The following TSC22D4 variants were observed in gnomAD, a reference collection of about 807,000 sequenced individuals.
TSC22D4 encodes the protein TSC22 domain family member 4, also known as TSC22 domain family protein 4.
In TSC22D4, 5 loss-of-function variants were observed where a neutral mutation model predicts 24.9. The observed-to-expected ratio is 0.20, with a 90% CI of 0.10 to 0.42. TSC22D4 has a LOEUF of 0.42. Ranked by LOEUF, TSC22D4 falls within the 10% of genes least tolerant of loss-of-function variation. The pLI is 1.00. For missense variants in TSC22D4, 469 were observed against 547.9 expected, an observed-to-expected ratio of 0.86 and a Z score of 1.44; for synonymous variants, 245 against 243.2, an observed-to-expected ratio of 1.01 and a Z score of -0.07.
At chr7:100,470,173 A>G (rs975545820) in intron 3 of TSC22D4, among the ~76,000 whole-genome samples, 1 of 152,210 alleles carries the variant, frequency 6.6e-6, no homozygotes, top group Non-Finnish European at 1.5e-5. Context: ...ACACAGGGAT[A>G]GGAACATGGG....
chr7:100,472,516 C>T (rs774932270), intron 3 of TSC22D4, among the ~76,000 whole-genome samples: 2 of 129,704 alleles, frequency 1.5e-5, no homozygotes, highest in African/African-American at 5.9e-5. Flanking sequence ...GCTGTGAACT[C>T]AACAGGGGTG....
At chr7:100,476,435 GT>G (rs1458656418) in intron 2 of TSC22D4, among the ~76,000 whole-genome samples, 1 of 152,114 alleles carries the variant, frequency 6.6e-6, no homozygotes, top group African/African-American at 2.4e-5. Flanking sequence ...GACCTCCGAG[GT>G]GTTATATTCT....
At chr7:100,475,767 C>CG (rs1045536873) in intron 2 of TSC22D4, among the ~76,000 whole-genome samples, 1 of 139,316 alleles carries the variant, frequency 7.2e-6, no homozygotes, top group African/African-American at 2.7e-5. Flanking sequence ...GCAAAAAGGG[C>CG]GGGGGCGACA....
intron 3 of TSC22D4, 154 bp from the exon 4 acceptor site, chr7:100,467,754 C>T (rs1419109371): frequency 6.0e-6 from 5 of 834,510 alleles, no homozygotes; most frequent in Non-Finnish European, 2.0e-6. Context: ...GGGTTGAAGG[C>T]CGCTGCCCAG....
In TSC22D4 at chr7:100,477,381, C is replaced by A. The variant is rs1465798290; in HGVS notation, c.658G>T (p.Ala220Ser). The A allele has an allele frequency of 2.5e-6, 4 of 1,594,522 alleles. No individual in the cohort carries two copies. The South Asian group carries it at 4.5e-5, about 18-fold the overall frequency. The change falls in exon 2 of 5, where the codon GCG (alanine) becomes TCG (serine). Residue 220 changes from alanine to serine, a missense_variant. Ala to Ser is a moderately conservative substitution (Grantham distance 99, BLOSUM62 1). Transcript: ENST00000300181. This position sits in a 1 kb window ranked among gnomAD's most constrained non-coding sequence, Gnocchi z 7.8. ...CTGGCCCCTGAGCCCCCAGCCTCCG[C>A]TTCCACCCTCAGAGAGGGCAGGGGC... Reference protein sequence around the residue: ...ATPLPSLRVEAEAGGSGARTP... With the variant: ...ATPLPSLRVESEAGGSGARTP...
At chr7:100,468,382 C>T (rs1363803709) in intron 3 of TSC22D4, among the ~76,000 whole-genome samples, 1 of 152,118 alleles carries the variant, frequency 6.6e-6, no homozygotes, top group Middle Eastern at 3.2e-3. Context: ...GGAGGCCCCT[C>T]GCCACCTCCG....
Position 100,474,421 on chromosome 7 carries a change from C to T in TSC22D4, c.782G>A (p.Arg261His), listed in dbSNP as rs117565935. Reference sequence around the variant, plus strand: ...GAAGTAGAGGGCTGGGGAGCTGGGGCGAGAGTCAAGTGGGGGCACCTGGAG... The same window carrying T: ...GAAGTAGAGGGCTGGGGAGCTGGGGTGAGAGTCAAGTGGGGGCACCTGGAG... The part of the protein sequence containing the change: ...EMGQVPPLDS[R>H]PSSPALYFTH... The change falls in exon 3 of 5, where the codon CGC becomes CAC. Residue 261 changes from arginine to histidine, a missense_variant. Coordinates refer to ENST00000300181, the MANE Select transcript of TSC22D4 (RefSeq NM_030935.5). This position sits in a 1 kb window ranked among gnomAD's most constrained non-coding sequence, Gnocchi z 4.3. 9.7e-4 allele frequency: 1,571 copies of T among 1,613,856 alleles called. 27 individuals are homozygous for T. In the East Asian group the frequency reaches 0.032, roughly 33 times the overall value.
In TSC22D4 at chr7:100,477,905, T is replaced by C. The variant is rs777368263; in HGVS notation, c.134A>G (p.Asn45Ser). 1.8e-5 allele frequency: 28 copies of C among 1,564,002 alleles called. No individual in the cohort carries two copies. The highest frequency in any genetic ancestry group is 5.4e-5 in the African/African-American group (4 of 73,938). ...PPTGPPPRLP[N>S]GEPSPDPGGK... ...CCCCGGATCGGGGCTGGGCTCCCCA[T>C]TGGGCAGGCGGGGCGGGGGCCCGGT... The change falls in exon 2 of 5, where the codon AAT (asparagine) becomes AGT (serine). Residue 45 changes from asparagine to serine, a missense_variant. Asn to Ser is a conservative substitution (Grantham distance 46). Coordinates refer to ENST00000300181, the MANE Select transcript of TSC22D4 (RefSeq NM_030935.5). The surrounding 1 kb of genome is among the most constrained non-coding windows in gnomAD (Gnocchi z 7.8).
chr7:100,473,773 T>A (rs1055289931), intron 3 of TSC22D4: 2 of 151,732 alleles, frequency 1.3e-5, no homozygotes, highest in Admixed American at 6.5e-5. Flanking sequence ...TATATATTTT[T>A]TTTTTCTTTC....
At position 100,467,162 on chromosome 7, in the gene TSC22D4, C is replaced by T; in HGVS notation, c.985G>A (p.Val329Met). The change falls in exon 5 of 5, where the codon GTG becomes ATG. Residue 329 changes from valine to methionine, a missense_variant. Coordinates refer to ENST00000300181, the MANE Select transcript of TSC22D4 (RefSeq NM_030935.5). ...DNKIEQAMDL[V>M]KSHLMFAVRE... is the part of the protein sequence containing the mutation. ...ACCGCAAACATGAGGTGGGACTTCA[C>T]CAAGTCCTGGGGGCCCCGGGACAGG... The T allele has an allele frequency of 6.2e-7, 1 of 1,614,156 alleles. No individual in the cohort carries two copies. Among genetic ancestry groups the T allele is most frequent in the Non-Finnish European group, 8.5e-7 (1 of 1,180,040 alleles).
At chr7:100,472,304 TG>T (rs1443286599) in intron 3 of TSC22D4, among the ~76,000 whole-genome samples, 1 of 147,780 alleles carries the variant, frequency 6.8e-6, no homozygotes, top group Admixed American at 6.8e-5. Context: ...CCTGGCAGGG[TG>T]GGGCTTGAGG....
Position 100,474,892 on chromosome 7 carries a change from C to T in TSC22D4, c.763-452G>A, listed in dbSNP as rs1032869226. On this transcript the variant is annotated intron_variant, in intron 2 of 4. Coordinates refer to ENST00000300181, the MANE Select transcript of TSC22D4 (RefSeq NM_030935.5). The surrounding 1 kb of genome is among the most constrained non-coding windows in gnomAD (Gnocchi z 4.3). ...TCATGGCTCACTGCAGCCTTGAATT[C>T]CTGAGCTTAAGCGATCCTCCAGCCT... Among the ~76,000 whole-genome samples, 3 of 152,050 alleles carry T rather than the reference C, an allele frequency of 2.0e-5. No individual in the cohort carries two copies. Among genetic ancestry groups the T allele is most frequent in the African/African-American group, 7.2e-5 (3 of 41,398 alleles).
chr7:100,468,108 C>T (rs1273136673), intron 3 of TSC22D4: 5 of 349,558 alleles, frequency 1.4e-5, no homozygotes, highest in South Asian at 1.1e-4. Context: ...ATATACACCA[C>T]CCCCCCAAGG....
At position 100,476,025 on chromosome 7, in the gene TSC22D4, G is replaced by C. The variant is rs544433866; in HGVS notation, c.762+1252C>G. On this transcript the variant is annotated intron_variant, in intron 2 of 4. Transcript: ENST00000300181. ...CGTGCAAACAGAAGACCGTCAGGAG[G>C]TGGGGGAAGGCTGGGGAGTAGGGGG... Among the ~76,000 whole-genome samples the C allele has an allele frequency of 4.6e-5, 7 of 151,742 alleles. No individual in the cohort carries two copies. The East Asian group carries it at 1.4e-3, about 30-fold the overall frequency.
chr7:100,472,208 C>T (rs1161461171), intron 3 of TSC22D4, among the ~76,000 whole-genome samples: 1 of 152,178 alleles, frequency 6.6e-6, no homozygotes, highest in African/African-American at 2.4e-5. Context: ...CCTGTCCTGC[C>T]AGCCCTGTGC....
intron 3 of TSC22D4, chr7:100,467,852 C>A: frequency 3.0e-6 from 2 of 676,556 alleles, no homozygotes; most frequent in Non-Finnish European, 5.6e-6. Context: ...GAGGCACAGC[C>A]CCTTTTTCGG....
Position 100,477,169 on chromosome 7 carries a change from T to G in TSC22D4, c.762+108A>C. ...CACAGAGAAGAGGGCTATCTGATCT[T>G]ATAAAGTGATGGAGAAGGAGGAGGA... On this transcript the variant is annotated intron_variant, in intron 2 of 4. Transcript: ENST00000300181. The surrounding 1 kb of genome is among the most constrained non-coding windows in gnomAD (Gnocchi z 7.8). The G allele has an allele frequency of 1.0e-6, 1 of 1,003,922 alleles. No individual in the cohort carries two copies. Among genetic ancestry groups the G allele is most frequent in the South Asian group, 2.9e-5 (1 of 34,712 alleles). 62.2% of individuals were successfully genotyped at this position (1,003,922 alleles called of 1,614,324 possible).
intron 3 of TSC22D4, chr7:100,468,188 G>A (rs555907803): frequency 2.5e-5 from 8 of 314,766 alleles, no homozygotes; most frequent in African/African-American, 8.9e-5. Context: ...CTCGGTGGGC[G>A]GGAATTCCCA....
chr7:100,468,820 C>A (rs1042326314), intron 3 of TSC22D4, among the ~76,000 whole-genome samples: 5 of 151,976 alleles, frequency 3.3e-5, no homozygotes, highest in African/African-American at 1.2e-4. Flanking sequence ...GCCAGCAATT[C>A]CAGCTACTCA....
Sources: allele counts gnomAD v4.1 joint callset (sites outside exome capture counted in the v4.1 genomes callset), GRCh38; gene constraint gnomAD v4.1.1; non-coding constraint Gnocchi (gnomAD v3.1); transcripts MANE v1.5; gene names NCBI Gene and HGNC (gene_info 2026-07-23, HGNC 2026-07-21).